BNC2: variants seen among roughly 807,000 people sequenced by gnomAD.
The protein encoded by BNC2 is basonuclin zinc finger protein 2.
In BNC2, 20 loss-of-function variants were observed where a neutral mutation model predicts 76.3. That is an observed-to-expected ratio of 0.26 (90% confidence interval 0.18 to 0.38). BNC2 has a LOEUF of 0.38. BNC2 is among the 10% of genes least tolerant of loss of function. The pLI is 1.00. For synonymous variants in BNC2, 582 were observed against 514.8 expected, an observed-to-expected ratio of 1.13 and a Z score of -1.77; for missense variants, 1,382 against 1,399.8, an observed-to-expected ratio of 0.99 and a Z score of 0.20.
intron 5 of BNC2, among the ~76,000 whole-genome samples, chr9:16,440,383 T>C (rs1366744594): frequency 1.3e-5 from 2 of 152,164 alleles, no homozygotes; most frequent in African/African-American, 4.8e-5. Context: ...TATAATGTCC[T>C]CTTCTATACC....
At chr9:16,464,352 A>C (rs566166791) in intron 5 of BNC2, among the ~76,000 whole-genome samples, 17 of 152,158 alleles carry the variant, frequency 1.1e-4, no homozygotes, top group South Asian at 4.1e-4. Context: ...TAGGATTAAG[A>C]TTAAATATTA....
chr9:16,520,226 C>G (rs1817576032), intron 5 of BNC2, among the ~76,000 whole-genome samples: 1 of 152,138 alleles, frequency 6.6e-6, no homozygotes, highest in African/African-American at 2.4e-5. Context: ...GAACACCAAC[C>G]CGACACTTGG....
At chr9:16,580,462 G>GA in intron 4 of BNC2, among the ~76,000 whole-genome samples, 1 of 152,168 alleles carries the variant, frequency 6.6e-6, no homozygotes, top group Non-Finnish European at 1.5e-5. Flanking sequence ...TGGTACAGTA[G>GA]AAAAAGCACA....
At chr9:16,842,901 A>G (rs1447927594) in intron 1 of BNC2, among the ~76,000 whole-genome samples, 4 of 152,170 alleles carry the variant, frequency 2.6e-5, no homozygotes, top group African/African-American at 9.7e-5. Context: ...ACAGGTGTGC[A>G]CCACCACACC....
intron 1 of BNC2, among the ~76,000 whole-genome samples, chr9:16,802,828 CA>C (rs1746913678): frequency 1.3e-5 from 2 of 152,156 alleles, no homozygotes; most frequent in Non-Finnish European, 2.9e-5. Flanking sequence ...ATAGGCAAAG[CA>C]AGTATGATGT....
rs113184523 is a variant in BNC2, at chr9:16,606,540, T to G, written c.331-23455A>C. Among the ~76,000 whole-genome samples the G allele has an allele frequency of 9.3e-4, 142 of 152,078 alleles. 1 individual carries two copies. Among genetic ancestry groups the G allele is most frequent in the African/African-American group, 4.8e-4 (20 of 41,506 alleles). ...ACAAGATCTGATAGCTTTTTTTTTT[T>G]TGTGGGTAGGGGGACGGAGTTTCAC... On this transcript the variant is annotated intron_variant, in intron 3 of 6. Transcript: ENST00000380672.
chr9:16,510,889 A>G (rs1011861652), intron 5 of BNC2, among the ~76,000 whole-genome samples: 9 of 152,198 alleles, frequency 5.9e-5, no homozygotes, highest in Admixed American at 3.9e-4. Context: ...GAGATTTTAC[A>G]TGGGCAAAAT....
chr9:16,552,838 A>C, intron 4 of BNC2, 73 bp from the exon 5 acceptor site: 1 of 1,271,826 alleles, frequency 7.9e-7, no homozygotes, highest in South Asian at 1.2e-5. Flanking sequence ...CAGGAGTTAG[A>C]AATATTGCTG....
At chr9:16,770,824 G>T (rs115757681) in intron 1 of BNC2, among the ~76,000 whole-genome samples, 3,616 of 151,672 alleles carry the variant, frequency 0.024, 146 homozygotes, top group East Asian at 0.18. Flanking sequence ...AAGATAGCGA[G>T]ATCATGCCAC....
chr9:16,597,250 C>T lies in BNC2; in HGVS notation c.331-14165G>A, dbSNP rs113825220. 5.9e-3 allele frequency among the ~76,000 whole-genome samples: 903 copies of T among 152,266 alleles called. 6 individuals carry two copies. The highest frequency in any genetic ancestry group is 0.02 in the African/African-American group (852 of 41,566). ...CTGCTTATTTTTAAAAAGAGCCTTA[C>T]TGGTGCTCTCTGAAGGATTTTCTTT... On this transcript the variant is annotated intron_variant, in intron 3 of 6. Transcript: ENST00000380672.
intron 3 of BNC2, among the ~76,000 whole-genome samples, chr9:16,592,414 C>G (rs1420619514): frequency 6.6e-6 from 1 of 152,066 alleles, no homozygotes; most frequent in South Asian, 2.1e-4. Context: ...AAACACTAAG[C>G]TGAGTTGCAG....
intron 5 of BNC2, chr9:16,473,089 G>C (rs370708734): frequency 3.3e-5 from 5 of 152,260 alleles, no homozygotes; most frequent in African/African-American, 1.2e-4. Context: ...AGCAAATCAG[G>C]TGGCTCTTAC....
intron 1 of BNC2, among the ~76,000 whole-genome samples, chr9:16,762,745 G>A (rs1167391329): frequency 3.3e-5 from 5 of 152,150 alleles, no homozygotes; most frequent in Non-Finnish European, 7.4e-5. Flanking sequence ...GTCAACTTCT[G>A]GATTCCACAG....
intron 4 of BNC2, among the ~76,000 whole-genome samples, chr9:16,571,927 G>T (rs2132861846): frequency 6.6e-6 from 1 of 151,916 alleles, no homozygotes; most frequent in African/African-American, 2.4e-5. Context: ...TTTTTTTAAG[G>T]GGCCTTGTGA....
intron 5 of BNC2, among the ~76,000 whole-genome samples, chr9:16,449,178 C>G (rs575369805): frequency 1.5e-4 from 23 of 152,272 alleles, no homozygotes; most frequent in African/African-American, 5.3e-4. Context: ...GTCTGCGTGC[C>G]TTAATACCCT....
chr9:16,692,855 C>T (rs1402102558), intron 3 of BNC2, among the ~76,000 whole-genome samples: 2 of 151,932 alleles, frequency 1.3e-5, no homozygotes, highest in South Asian at 2.1e-4. Flanking sequence ...GGGTGCTGGG[C>T]GTCGTGGCTC....
intron 3 of BNC2, among the ~76,000 whole-genome samples, chr9:16,672,116 A>C (rs996143472): frequency 6.6e-6 from 1 of 152,228 alleles, no homozygotes; most frequent in South Asian, 2.1e-4. Flanking sequence ...ATCACAGGTG[A>C]AACAGGGAGA....
rs2296864 is a variant in BNC2, at chr9:16,415,461, C to T, written c.*3528G>A. 21,013 of 152,620 alleles carry T rather than the reference C, an allele frequency of 0.14. 2,256 individuals are homozygous for T. The highest frequency in any genetic ancestry group is 0.3 in the African/African-American group (12,329 of 41,480). The allele number at this position is 152,620 out of a possible 1,614,324, so 9.5% of individuals were successfully genotyped here. On this transcript the variant is annotated 3_prime_UTR_variant, in exon 7 of 7. Coordinates refer to ENST00000380672, the MANE Select transcript of BNC2 (RefSeq NM_017637.6). The stretch of plus-strand genomic sequence containing the variant: ...ACCAATCACATGGGGAAAAGCTTGT[C>T]GGATGAACATCTACATCACTATTAA...
chr9:16,667,080 TACACACAC>T (rs139744564), intron 3 of BNC2, among the ~76,000 whole-genome samples: 91 of 142,494 alleles, frequency 6.4e-4, no homozygotes, highest in African/African-American at 2.0e-3. Context: ...CAGATACACA[TACACACAC>T]ACACACACAC....
Sources: allele counts gnomAD v4.1 joint callset (sites outside exome capture counted in the v4.1 genomes callset), GRCh38; gene constraint gnomAD v4.1.1; transcripts MANE v1.5; gene names NCBI Gene and HGNC (gene_info 2026-07-23, HGNC 2026-07-21).